The following RBFOX1 variants were observed in gnomAD, a reference collection of about 807,000 sequenced individuals.
The protein encoded by RBFOX1 is RNA binding fox-1 homolog 1, also known as RNA binding protein fox-1 homolog 1.
In RBFOX1, 8 loss-of-function variants were observed where a neutral mutation model predicts 57.7. That is an observed-to-expected ratio of 0.14 (90% CI 0.08 to 0.25). RBFOX1 has a LOEUF of 0.25. Ranked by LOEUF, RBFOX1 falls within the 10% of genes least tolerant of loss-of-function variation. The pLI, the probability that RBFOX1 is intolerant of heterozygous loss-of-function variation, is 1.00. For missense variants in RBFOX1, 611 were observed against 548.5 expected, an observed-to-expected ratio of 1.11 and a Z score of -1.14; for synonymous variants, 326 against 222.4, an observed-to-expected ratio of 1.47 and a Z score of -4.15.
chr16:5,722,844 C>G (rs1438878451), intron 3 of RBFOX1, among the ~76,000 whole-genome samples: 1 of 152,196 alleles, frequency 6.6e-6, no homozygotes, highest in Non-Finnish European at 1.5e-5. Context: ...CAAGTATCCC[C>G]CTACCCTCTG....
intron 4 of RBFOX1, among the ~76,000 whole-genome samples, chr16:7,347,331 A>T (rs1461001582): frequency 6.6e-6 from 1 of 152,172 alleles, no homozygotes; most frequent in Non-Finnish European, 1.5e-5. Flanking sequence ...TTGGAAGGTA[A>T]AAGACATGTT....
intron 2 of RBFOX1, among the ~76,000 whole-genome samples, chr16:5,575,383 C>T (rs556777924): frequency 4.0e-4 from 61 of 152,296 alleles, no homozygotes; most frequent in Non-Finnish European, 4.9e-4. Context: ...ACATGCCCTG[C>T]GTGTCCTCTG....
At chr16:5,974,744 C>G (rs1254170277) in intron 4 of RBFOX1, among the ~76,000 whole-genome samples, 2 of 152,168 alleles carry the variant, frequency 1.3e-5, no homozygotes, top group Non-Finnish European at 2.9e-5. Flanking sequence ...CGCAGTGGCT[C>G]ACGTCTGTAA....
chr16:5,843,356 A>G, intron 3 of RBFOX1, among the ~76,000 whole-genome samples: 1 of 152,136 alleles, frequency 6.6e-6, no homozygotes, highest in East Asian at 1.9e-4. Flanking sequence ...TGTTCTCATT[A>G]TTTAGCTCCT....
At chr16:5,785,860 C>T (rs1315666900) in intron 3 of RBFOX1, among the ~76,000 whole-genome samples, 1 of 152,136 alleles carries the variant, frequency 6.6e-6, no homozygotes, top group Admixed American at 6.6e-5. Flanking sequence ...AAATCTGCCT[C>T]TCTTCATTCC....
chr16:5,337,894 A>G (rs2064938674), intron 1 of RBFOX1, among the ~76,000 whole-genome samples: 2 of 152,102 alleles, frequency 1.3e-5, no homozygotes, highest in South Asian at 4.1e-4. Flanking sequence ...AAATTAAAAA[A>G]TTAGCTGGAC....
At chr16:5,241,811 A>G (rs1000728042) in intron 1 of RBFOX1, among the ~76,000 whole-genome samples, 14 of 152,114 alleles carry the variant, frequency 9.2e-5, no homozygotes, top group African/African-American at 2.7e-4. Flanking sequence ...ACAAGAGACA[A>G]GGTTCTTGGC....
At chr16:7,610,479 G>A (rs911873497) in intron 10 of RBFOX1, among the ~76,000 whole-genome samples, 2 of 151,938 alleles carry the variant, frequency 1.3e-5, no homozygotes, top group Admixed American at 1.3e-4. Context: ...AAGAAGAGAG[G>A]TAACATAATC....
rs373767037 is a variant in RBFOX1 at position 6,625,825 on chromosome 16, T to C, written c.-63-28778T>C. Among the ~76,000 whole-genome samples the C allele has an allele frequency of 1.4e-4, 21 of 152,352 alleles. 1 individual carries two copies. The highest frequency in any genetic ancestry group is 2.4e-4 in the Non-Finnish European group (16 of 68,032). The stretch of plus-strand genomic sequence containing the variant: ...TGATGATTATCAGCTAATTTAATTA[T>C]GTTTCTACATTTGCAGCATTTAATG... On this transcript the variant is annotated intron_variant, in intron 2 of 15. Transcript: ENST00000550418.
chr16:6,763,193 G>A (rs1325191212), intron 3 of RBFOX1, among the ~76,000 whole-genome samples: 1 of 152,186 alleles, frequency 6.6e-6, no homozygotes, highest in Non-Finnish European at 1.5e-5. Flanking sequence ...TCAGCTCAAT[G>A]TTTATCAAGT....
chr16:5,906,495 C>T (rs1429845973), intron 4 of RBFOX1, among the ~76,000 whole-genome samples: 1 of 152,108 alleles, frequency 6.6e-6, no homozygotes, highest in Non-Finnish European at 1.5e-5. Context: ...CTTGATCTTG[C>T]ACTTCCAGCC....
intron 3 of RBFOX1, among the ~76,000 whole-genome samples, chr16:6,783,079 A>G (rs879375372): frequency 4.6e-5 from 7 of 151,730 alleles, no homozygotes; most frequent in Admixed American, 1.3e-4. Context: ...TTTCATTTGC[A>G]TGGCATATCT....
chr16:6,802,750 C>G (rs1470364419), intron 3 of RBFOX1, among the ~76,000 whole-genome samples: 3 of 152,168 alleles, frequency 2.0e-5, no homozygotes, highest in Non-Finnish European at 4.4e-5. Context: ...AGCCATTCCC[C>G]CACGTTGTTG....
At chr16:5,801,868 G>T (rs1363481179) in intron 3 of RBFOX1, among the ~76,000 whole-genome samples, 1 of 152,168 alleles carries the variant, frequency 6.6e-6, no homozygotes, top group African/African-American at 2.4e-5. Flanking sequence ...GGTTATGGAA[G>T]TTGTGTATGC....
chr16:6,114,900 C>T (rs1447934883), intron 1 of RBFOX1, among the ~76,000 whole-genome samples: 1 of 152,034 alleles, frequency 6.6e-6, no homozygotes, highest in Non-Finnish European at 1.5e-5. Context: ...CCAGAGTTGG[C>T]AACATACGGG....
intron 4 of RBFOX1, among the ~76,000 whole-genome samples, chr16:7,238,890 G>C (rs961497487): frequency 6.6e-6 from 1 of 152,162 alleles, no homozygotes; most frequent in South Asian, 2.1e-4. Flanking sequence ...AGAACATGCA[G>C]TGTTTGGTTT....
chr16:7,161,378 A>G (rs1300786816), intron 4 of RBFOX1, among the ~76,000 whole-genome samples: 4 of 152,192 alleles, frequency 2.6e-5, no homozygotes, highest in African/African-American at 7.2e-5. Flanking sequence ...AAAATTCATC[A>G]TATATTTGCT....
chr16:6,651,664 G>A (rs1002374163), intron 2 of RBFOX1, among the ~76,000 whole-genome samples: 6 of 152,108 alleles, frequency 3.9e-5, no homozygotes, highest in Non-Finnish European at 5.9e-5. Flanking sequence ...CTCAAAAAAT[G>A]AAACATTGAA....
chr16:6,862,471 C>T (rs1185249346), intron 3 of RBFOX1, among the ~76,000 whole-genome samples: 1 of 152,202 alleles, frequency 6.6e-6, no homozygotes, highest in East Asian at 1.9e-4. Context: ...AGCAATATTA[C>T]AGTTACCTAG....
Sources: allele counts gnomAD v4.1 joint callset (sites outside exome capture counted in the v4.1 genomes callset), GRCh38; gene constraint gnomAD v4.1.1; transcripts MANE v1.5; gene names NCBI Gene and HGNC (gene_info 2026-07-23, HGNC 2026-07-21).